The following AUTS2 variants were observed in gnomAD, a reference collection of about 807,000 sequenced individuals.
AUTS2 encodes the protein activator of transcription and developmental regulator AUTS2.
Under a neutral mutation model 112.4 loss-of-function variants are expected in AUTS2, and 17 were observed. The observed-to-expected ratio is 0.15, with a 90% CI of 0.10 to 0.23. The LOEUF (loss-of-function observed/expected upper bound fraction) is 0.23. Among genes scored for constraint, AUTS2 ranks in the 10% least tolerant of loss-of-function variants. The probability of loss-of-function intolerance (pLI) is 1.00; values close to 1 mark genes in which losing one functional copy is unlikely to be tolerated. For missense variants in AUTS2, 1,510 were observed against 1,701.6 expected (o/e 0.89, Z 1.98); for synonymous variants, 751 against 702.7 (o/e 1.07, Z -1.09).
chr7:70,271,054 C>T (rs566737203), intron 4 of AUTS2, among the ~76,000 whole-genome samples: 128 of 152,164 alleles, frequency 8.4e-4, no homozygotes, highest in African/African-American at 2.9e-3. Flanking sequence ...TGGTTCCACC[C>T]CGGAGTTCAG....
chr7:69,809,254 T>G (rs1790441533), intron 1 of AUTS2, among the ~76,000 whole-genome samples: 1 of 152,026 alleles, frequency 6.6e-6, no homozygotes, highest in Non-Finnish European at 1.5e-5. Flanking sequence ...TTTTGTATTT[T>G]TTTTTGGTAG....
intron 1 of AUTS2, among the ~76,000 whole-genome samples, chr7:69,618,110 C>A (rs369204772): frequency 6.6e-6 from 1 of 152,162 alleles, no homozygotes; most frequent in Non-Finnish European, 1.5e-5. Context: ...TCTGTATGGT[C>A]ATGCAGATAG....
intron 5 of AUTS2, among the ~76,000 whole-genome samples, chr7:70,598,102 G>A (rs1047659463): frequency 1.3e-5 from 2 of 152,168 alleles, no homozygotes; most frequent in African/African-American, 2.4e-5. Flanking sequence ...ATCGAAAGAC[G>A]TTTGCTGTAT....
intron 5 of AUTS2, among the ~76,000 whole-genome samples, chr7:70,495,277 A>AC (rs1441270644): frequency 6.9e-6 from 1 of 144,472 alleles, no homozygotes; most frequent in Non-Finnish European, 1.5e-5. Flanking sequence ...TTGAAAGTCC[A>AC]CCCCCCTTCT....
Position 70,627,403 on chromosome 7 carries a change from A to G in AUTS2, c.691-71166A>G, listed in dbSNP as rs187418016. Reference sequence around the variant, plus strand: ...TATAGATTCTGGATATTAGACCTTTATCAGATGCATAATTTGCAAATGTTT... The same window carrying G: ...TATAGATTCTGGATATTAGACCTTTGTCAGATGCATAATTTGCAAATGTTT... On this transcript the variant is annotated intron_variant, in intron 5 of 18. Coordinates refer to ENST00000342771, the MANE Select transcript of AUTS2 (RefSeq NM_015570.4). Among the ~76,000 whole-genome samples, 50 of 152,304 alleles carry G rather than the reference A, an allele frequency of 3.3e-4. No individual in the cohort carries two copies. In the East Asian group the frequency reaches 9.2e-3, roughly 28 times the overall value.
At chr7:70,283,010 A>G (rs927986213) in intron 4 of AUTS2, among the ~76,000 whole-genome samples, 2 of 152,216 alleles carry the variant, frequency 1.3e-5, no homozygotes, top group African/African-American at 4.8e-5. Context: ...TGAATTTTTT[A>G]TGCTGTTGAT....
At chr7:70,246,894 A>G (rs1292696904) in intron 4 of AUTS2, among the ~76,000 whole-genome samples, 4 of 151,660 alleles carry the variant, frequency 2.6e-5, no homozygotes, top group Admixed American at 6.6e-5. Context: ...TTTTCTCTAT[A>G]TGTTTTTTTT....
intron 1 of AUTS2, among the ~76,000 whole-genome samples, chr7:69,647,952 A>G (rs1795106769): frequency 1.3e-5 from 2 of 152,038 alleles, no homozygotes; most frequent in Non-Finnish European, 2.9e-5. Flanking sequence ...GTGTCTTTAC[A>G]TGGCCATCTT....
rs60095186 is a variant in AUTS2 at position 70,662,283 on chromosome 7, G to A, written c.691-36286G>A. 1.2e-4 allele frequency among the ~76,000 whole-genome samples: 18 copies of A among 152,356 alleles called. No homozygotes were observed. In the East Asian group the frequency reaches 3.5e-3, roughly 29 times the overall value. On this transcript the variant is annotated intron_variant, in intron 5 of 18. Transcript: ENST00000342771. ...GGGCCTCAGAAAAGTAGGTAGACTC[G>A]TAAGACGGGCTTTATCCTGGAACAG...
intron 1 of AUTS2, among the ~76,000 whole-genome samples, chr7:69,733,535 A>G (rs934513551): frequency 4.6e-5 from 7 of 152,198 alleles, no homozygotes; most frequent in African/African-American, 1.7e-4. Context: ...GTTCAAGGGC[A>G]TACGTTGGCA....
chr7:70,682,789 C>G (rs1411034994), intron 5 of AUTS2, among the ~76,000 whole-genome samples: 1 of 152,254 alleles, frequency 6.6e-6, no homozygotes, highest in Non-Finnish European at 1.5e-5. Context: ...GCAAGTTCAG[C>G]TGGAGCTGGC....
chr7:70,310,422 A>G (rs1789689422), intron 4 of AUTS2, among the ~76,000 whole-genome samples: 1 of 152,104 alleles, frequency 6.6e-6, no homozygotes, highest in African/African-American at 2.4e-5. Flanking sequence ...CATCCTGGCT[A>G]ACATGGTGAA....
At chr7:69,745,309 A>C (rs540509861) in intron 1 of AUTS2, among the ~76,000 whole-genome samples, 3 of 152,332 alleles carry the variant, frequency 2.0e-5, no homozygotes, top group African/African-American at 7.2e-5. Flanking sequence ...AGATAGGTAC[A>C]TTCAAACTCA....
intron 5 of AUTS2, among the ~76,000 whole-genome samples, chr7:70,553,800 T>A (rs1159438777): frequency 8.7e-5 from 12 of 137,940 alleles, no homozygotes; most frequent in African/African-American, 3.0e-4. Context: ...GGAGTCTTGC[T>A]CTGTCGCCCA....
intron 6 of AUTS2, among the ~76,000 whole-genome samples, chr7:70,725,626 C>T (rs1316031549): frequency 1.3e-5 from 2 of 152,150 alleles, no homozygotes; most frequent in Non-Finnish European, 1.5e-5. Context: ...GCCGTTAGCA[C>T]ATTTGCCTGC....
intron 5 of AUTS2, among the ~76,000 whole-genome samples, chr7:70,491,492 A>G (rs2116419844): frequency 6.7e-6 from 1 of 148,198 alleles, no homozygotes; most frequent in African/African-American, 2.4e-5. Flanking sequence ...TGTTATATAT[A>G]CACATAATAT....
At chr7:70,245,160 A>C (rs1812847725) in intron 4 of AUTS2, among the ~76,000 whole-genome samples, 1 of 138,044 alleles carries the variant, frequency 7.2e-6, no homozygotes, top group African/African-American at 2.7e-5. Context: ...ATATATATAT[A>C]TATATATATA....
chr7:70,577,051 A>G (rs903190163), intron 5 of AUTS2, among the ~76,000 whole-genome samples: 1 of 152,236 alleles, frequency 6.6e-6, no homozygotes, highest in African/African-American at 2.4e-5. Flanking sequence ...TAATAACCCT[A>G]TGACACCAAT....
At chr7:70,773,252 G>A (rs1229619622) in intron 11 of AUTS2, among the ~76,000 whole-genome samples, 1 of 152,094 alleles carries the variant, frequency 6.6e-6, no homozygotes, top group Non-Finnish European at 1.5e-5. Context: ...TGGTGTGGGG[G>A]GTGTTCATAG....
Sources: gnomAD v4.1 joint callset for allele counts (sites outside exome capture counted in the v4.1 genomes callset) on GRCh38, gnomAD v4.1.1 for gene constraint, MANE v1.5 for transcripts, NCBI Gene and HGNC (gene_info 2026-07-23, HGNC 2026-07-21) for gene names.